Variants in C12orf42 observed in about 807,000 individuals in gnomAD.
C12orf42 encodes uncharacterized protein C12orf42.
In C12orf42, 25 loss-of-function variants were observed where a neutral mutation model predicts 21.6. The observed-to-expected ratio is 1.16, with a 90% CI of 0.84 to 1.62. The LOEUF is 1.62. Ranked by LOEUF, C12orf42 falls within the 40% of genes most tolerant of loss-of-function variation. The pLI, the probability that C12orf42 is intolerant of heterozygous loss-of-function variation, is 0.00. For missense variants in C12orf42, 483 were observed against 459.3 expected (o/e 1.05, Z -0.47); for synonymous variants, 174 against 175.0 (o/e 0.99, Z 0.05).
the C12orf42 span, among the ~76,000 whole-genome samples, chr12:103,152,802 A>G: frequency 1.3e-5 from 2 of 152,162 alleles, no homozygotes; most frequent in African/African-American, 4.8e-5. Context: ...AGTATGAAAA[A>G]TGTGTAAGAC....
the C12orf42 span, among the ~76,000 whole-genome samples, chr12:103,055,011 G>T: frequency 6.6e-6 from 1 of 151,716 alleles, no homozygotes; most frequent in African/African-American, 2.4e-5. Flanking sequence ...ATTCATAAGG[G>T]CTATTGGTCT....
chr12:103,441,114 T>C (rs1951210725), intron 2 of C12orf42, among the ~76,000 whole-genome samples: 1 of 152,120 alleles, frequency 6.6e-6, no homozygotes, highest in Non-Finnish European at 1.5e-5. Context: ...AAAAAGCAAA[T>C]ATTGTTTCCT....
chr12:103,169,193 TAAATA>T, the C12orf42 span, among the ~76,000 whole-genome samples: 655 of 126,184 alleles, frequency 5.2e-3, 3 homozygotes, highest in African/African-American at 0.018. Context: ...AATAAATAAA[TAAATA>T]AAATAAAGAT....
intron 2 of C12orf42, among the ~76,000 whole-genome samples, chr12:103,475,710 A>G (rs536720068): frequency 2.7e-4 from 41 of 152,350 alleles, no homozygotes; most frequent in Middle Eastern, 3.4e-3. Flanking sequence ...GGGCTAACAA[A>G]GTATTTTTTG....
At chr12:103,393,649 C>A (rs1442921241) in intron 3 of C12orf42, among the ~76,000 whole-genome samples, 1 of 152,292 alleles carries the variant, frequency 6.6e-6, no homozygotes, top group African/African-American at 2.4e-5. Flanking sequence ...GATTCCCACA[C>A]TGGAATGAAA....
chr12:103,345,478 C>T (rs1691714190), intron 4 of C12orf42, among the ~76,000 whole-genome samples: 1 of 152,142 alleles, frequency 6.6e-6, no homozygotes, highest in South Asian at 2.1e-4. Context: ...AGCACTTTTA[C>T]CATCACCACC....
At chr12:103,270,888 A>G (rs1156474956) in intron 5 of C12orf42, among the ~76,000 whole-genome samples, 3 of 152,166 alleles carry the variant, frequency 2.0e-5, no homozygotes, top group Admixed American at 6.6e-5. Context: ...TTATCAAAAT[A>G]TAACATGATA....
At chr12:103,476,424 G>A (rs1348431402) in intron 2 of C12orf42, among the ~76,000 whole-genome samples, 1 of 152,150 alleles carries the variant, frequency 6.6e-6, no homozygotes, top group Admixed American at 6.5e-5. Context: ...TTCCCATAAT[G>A]AGTCCAAAAA....
chr12:103,132,710 A>T, the C12orf42 span, among the ~76,000 whole-genome samples: 1 of 152,176 alleles, frequency 6.6e-6, no homozygotes, highest in Non-Finnish European at 1.5e-5. Context: ...ATGAACCATT[A>T]GTAAAGATTT....
chr12:103,340,941 G>T (rs57747432), intron 4 of C12orf42, among the ~76,000 whole-genome samples: 18,447 of 151,782 alleles, frequency 0.12, 1,391 homozygotes, highest in African/African-American at 0.21. Flanking sequence ...GTGAAACCCA[G>T]TCTCTACTAA....
chr12:103,478,285 C>T, intron 2 of C12orf42, 64 bp downstream of exon 2: 1 of 1,027,344 alleles, frequency 9.7e-7, no homozygotes, highest in South Asian at 1.5e-5. Context: ...CAATTAGTGG[C>T]TGAAATGGAG....
chr12:103,096,932 T>C, the C12orf42 span, among the ~76,000 whole-genome samples: 6 of 152,202 alleles, frequency 3.9e-5, no homozygotes, highest in African/African-American at 1.4e-4. Flanking sequence ...TGTGTCTATA[T>C]GGTGTTTATA....
intron 4 of C12orf42, among the ~76,000 whole-genome samples, chr12:103,329,805 G>C (rs1413268672): frequency 1.3e-5 from 2 of 151,792 alleles, no homozygotes; most frequent in African/African-American, 4.8e-5. Flanking sequence ...TTTTATTCCA[G>C]CTTTCCCCCT....
chr12:103,378,724 C>T (rs2045915451), intron 3 of C12orf42: 1 of 152,140 alleles, frequency 6.6e-6, no homozygotes, highest in Non-Finnish European at 1.5e-5. Context: ...TGGAATCCTG[C>T]CTCTACCATT....
intron 2 of C12orf42, among the ~76,000 whole-genome samples, chr12:103,460,363 C>T (rs1952617145): frequency 6.6e-6 from 1 of 152,064 alleles, no homozygotes; most frequent in Non-Finnish European, 1.5e-5. Flanking sequence ...GTAATTATCA[C>T]TTCCACACGT....
At chr12:103,208,868 G>C in the C12orf42 span, among the ~76,000 whole-genome samples, 1 of 152,108 alleles carries the variant, frequency 6.6e-6, no homozygotes. Flanking sequence ...CATTATAAAA[G>C]CCCTCAGCTC....
chr12:103,499,658 G>A (rs116305651), upstream of C12orf42, among the ~76,000 whole-genome samples: 1,403 of 152,296 alleles, frequency 9.2e-3, 18 homozygotes, highest in African/African-American at 0.032. Flanking sequence ...AATCTTGTAA[G>A]AAATCCAAAC....
intron 2 of C12orf42, among the ~76,000 whole-genome samples, chr12:103,428,175 C>T (rs1176393280): frequency 6.6e-6 from 1 of 152,066 alleles, no homozygotes; most frequent in Non-Finnish European, 1.5e-5. Flanking sequence ...TCCAAGAATC[C>T]AGGAGCTGGT....
At chr12:103,530,553 C>T in the C12orf42 span, among the ~76,000 whole-genome samples, 3 of 152,096 alleles carry the variant, frequency 2.0e-5, no homozygotes, top group African/African-American at 7.2e-5. Context: ...GTTGTTCAGA[C>T]GGTTGGCACA....
Sources: allele counts gnomAD v4.1 joint callset (sites outside exome capture counted in the v4.1 genomes callset), GRCh38; gene constraint gnomAD v4.1.1; transcripts MANE v1.5; gene names NCBI Gene and HGNC (gene_info 2026-07-23, HGNC 2026-07-21).